Variants in FBXO25 observed in about 807,000 individuals in gnomAD.
The protein encoded by FBXO25 is F-box only protein 25.
A neutral mutation model predicts 51.9 loss-of-function variants in FBXO25; 45 were observed. The observed-to-expected ratio is 0.87, with a 90% CI of 0.68 to 1.11. The LOEUF is 1.11. Ranked by LOEUF, FBXO25 falls within the 50% of genes most tolerant of loss-of-function variation. The pLI is 0.00. For missense variants in FBXO25, 507 were observed against 428.5 expected (o/e 1.18, Z -1.62); for synonymous variants, 199 against 151.0 (o/e 1.32, Z -2.33).
Position 460,588 on chromosome 8 carries a change from T to C in FBXO25, c.843+2037T>C, listed in dbSNP as rs59767901. On this transcript the variant is annotated intron_variant, in intron 8 of 9. Transcript: ENST00000350302. ...GGAAGGAAAAGTCAGCTAAATGCTC[T>C]TGACTGGAGCATCTGGTGGGATGTT... is the stretch of plus-strand genomic sequence containing the variant. Among the ~76,000 whole-genome samples, 676 of 152,328 alleles carry C rather than the reference T, an allele frequency of 4.4e-3. 2 individuals carry two copies. Among genetic ancestry groups the C allele is most frequent in the African/African-American group, 0.016 (651 of 41,568 alleles).
At chr8:417,298 A>G (rs993168985) in intron 2 of FBXO25, among the ~76,000 whole-genome samples, 46 of 152,224 alleles carry the variant, frequency 3.0e-4, no homozygotes, top group African/African-American at 1.0e-3. Flanking sequence ...TATTCTGGCT[A>G]CCGTGTTAAA....
intron 2 of FBXO25, among the ~76,000 whole-genome samples, chr8:414,712 G>T (rs1042727146): frequency 9.9e-5 from 15 of 152,188 alleles, no homozygotes; most frequent in Middle Eastern, 3.4e-3. Flanking sequence ...CTTACCTACA[G>T]ATCCGCCCCT....
At position 458,329 on chromosome 8, in the gene FBXO25, G is replaced by A. The variant is rs748011397; in HGVS notation, c.661-40G>A. On this transcript the variant is annotated intron_variant, in intron 7 of 9. Coordinates refer to ENST00000350302, the MANE Select transcript of FBXO25 (RefSeq NM_183420.2). ...TCAGTTACTGTGTGAACAAACATTG[G>A]CCATCTTCTCAGTGAGTTGCTGTTG... 5.3e-5 allele frequency: 85 copies of A among 1,594,536 alleles called. No individual in the cohort carries two copies. In the East Asian group the frequency reaches 1.9e-3, roughly 36 times the overall value.
chr8:426,796 T>A (rs1325948871), intron 2 of FBXO25, among the ~76,000 whole-genome samples: 302 of 130,956 alleles, frequency 2.3e-3, no homozygotes, highest in South Asian at 0.014. Context: ...GGGCCCACAT[T>A]GGCTGTGGCT....
intron 4 of FBXO25, among the ~76,000 whole-genome samples, chr8:435,245 T>C (rs1258356679): frequency 1.3e-5 from 2 of 152,112 alleles, no homozygotes; most frequent in Non-Finnish European, 2.9e-5. Flanking sequence ...ATCAGGTGAT[T>C]TATGTATTTT....
rs78902081 is a variant in FBXO25 at position 454,338 on chromosome 8, G to C, written c.660+2885G>C. On this transcript the variant is annotated intron_variant, in intron 7 of 9. Transcript: ENST00000350302. ...TTCATGTGCACATCTCTGTGACTCA[G>C]TGAGAGCAGGCACACAGGTATGTGT... is the stretch of plus-strand genomic sequence containing the variant. Among the ~76,000 whole-genome samples, 153 of 152,340 alleles carry C rather than the reference G, an allele frequency of 1.0e-3. 1 individual carries two copies. Among genetic ancestry groups the C allele is most frequent in the African/African-American group, 3.5e-3 (147 of 41,582 alleles).
chr8:452,875 C>T (rs778665356), intron 7 of FBXO25, among the ~76,000 whole-genome samples: 1 of 152,126 alleles, frequency 6.6e-6, no homozygotes, highest in Non-Finnish European at 1.5e-5. Context: ...CTGGGTGGGC[C>T]GAGACAGAGC....
intron 1 of FBXO25, among the ~76,000 whole-genome samples, chr8:407,969 C>G (rs1247129905): frequency 1.3e-5 from 2 of 152,168 alleles, no homozygotes. Context: ...ATGAAGCTGT[C>G]TCTTGCTGCC....
In FBXO25 at chr8:455,972, C is replaced by A. The variant is rs149314168; in HGVS notation, c.661-2397C>A. On this transcript the variant is annotated intron_variant, in intron 7 of 9. Coordinates refer to ENST00000350302, the MANE Select transcript of FBXO25 (RefSeq NM_183420.2). ...AGAAATCCCAAATGCTGAGTTGTCA[C>A]ACCAGACTCTATAACTCTACTAATC... is the stretch of plus-strand genomic sequence containing the variant. 1.6e-3 allele frequency among the ~76,000 whole-genome samples: 249 copies of A among 152,358 alleles called. 1 individual carries two copies. Among genetic ancestry groups the A allele is most frequent in the African/African-American group, 5.8e-3 (241 of 41,582 alleles).
At chr8:424,402 AT>A (rs1797345215) in intron 2 of FBXO25, among the ~76,000 whole-genome samples, 1 of 152,014 alleles carries the variant, frequency 6.6e-6, no homozygotes, top group South Asian at 2.1e-4. Context: ...TTTTTGTTGC[AT>A]TTGTTTTTGG....
At position 469,414 on chromosome 8, in the gene FBXO25, GGCATCC is replaced by G; in HGVS notation, c.*611_*616del. On this transcript the variant is annotated 3_prime_UTR_variant, in exon 10 of 10. Transcript: ENST00000350302. ...ACGGGCAGTGGTCTCTGTGCTCCTAGGCATCCAGCACAGGTTCTGGCAGGGCACCCC... is the reference window on the plus strand; with the variant it reads ...ACGGGCAGTGGTCTCTGTGCTCCTAGAGCACAGGTTCTGGCAGGGCACCCC... 1 of 152,510 alleles carries G rather than the reference GGCATCC, an allele frequency of 6.6e-6. No individual in the cohort carries two copies. The highest frequency in any genetic ancestry group is 1.5e-5 in the Non-Finnish European group (1 of 68,252). 9.4% of individuals were successfully genotyped at this position (152,510 alleles called of 1,614,324 possible). A position where few individuals can be genotyped will look rare whatever the true frequency, so the allele number is the denominator to read the frequency against.
intron 9 of FBXO25, among the ~76,000 whole-genome samples, chr8:463,845 G>C (rs193021602): frequency 6.6e-6 from 1 of 152,046 alleles, no homozygotes; most frequent in Non-Finnish European, 1.5e-5. Context: ...ATAGGGTCTC[G>C]CTCTGTCACC....
At chr8:412,735 T>C (rs1796558257) in intron 1 of FBXO25, among the ~76,000 whole-genome samples, 1 of 152,246 alleles carries the variant, frequency 6.6e-6, no homozygotes. Context: ...TTCTAACTTC[T>C]GGCAAAGAGA....
At chr8:437,884 A>G (rs1386703096) in intron 5 of FBXO25, among the ~76,000 whole-genome samples, 2 of 151,920 alleles carry the variant, frequency 1.3e-5, no homozygotes, top group African/African-American at 2.4e-5. Flanking sequence ...AAATAATTTG[A>G]TTTTCCATAA....
chr8:435,353 A>T (rs1444375983), intron 4 of FBXO25: 1 of 473,144 alleles, frequency 2.1e-6, no homozygotes, highest in African/African-American at 2.1e-5. Flanking sequence ...CCGGCAAGAT[A>T]TTTAATAAAT....
intron 5 of FBXO25, among the ~76,000 whole-genome samples, chr8:446,672 A>G (rs1798757131): frequency 6.6e-6 from 1 of 152,250 alleles, no homozygotes; most frequent in Non-Finnish European, 1.5e-5. Flanking sequence ...AAGGAACAGG[A>G]TTGAAATTTT....
chr8:437,565 G>C (rs1223660730), intron 5 of FBXO25, among the ~76,000 whole-genome samples: 1 of 152,158 alleles, frequency 6.6e-6, no homozygotes, highest in Non-Finnish European at 1.5e-5. Flanking sequence ...AAAGTGATTT[G>C]CTCATGCTTA....
intron 8 of FBXO25, among the ~76,000 whole-genome samples, chr8:461,065 T>C (rs1799777494): frequency 1.3e-5 from 2 of 152,356 alleles, no homozygotes; most frequent in South Asian, 4.1e-4. Flanking sequence ...GTTACTCCTT[T>C]AGCCCGTGCA....
intron 3 of FBXO25, among the ~76,000 whole-genome samples, chr8:432,459 G>C (rs867249452): frequency 3.9e-5 from 6 of 152,238 alleles, no homozygotes; most frequent in African/African-American, 9.6e-5. Flanking sequence ...TTATGAAGAA[G>C]ATAGGGTCAC....
Sources: allele counts gnomAD v4.1 joint callset (sites outside exome capture counted in the v4.1 genomes callset), GRCh38; gene constraint gnomAD v4.1.1; transcripts MANE v1.5; gene names NCBI Gene and HGNC (gene_info 2026-07-23, HGNC 2026-07-21).